SLCO6A1: variants seen among roughly 807,000 people sequenced by gnomAD.
The protein encoded by SLCO6A1 is solute carrier organic anion transporter family member 6A1.
SLCO6A1 carries 65 observed loss-of-function variants against 72.7 expected under a neutral mutation model. That is an observed-to-expected ratio of 0.89 (90% CI 0.73 to 1.10). SLCO6A1 has a LOEUF of 1.10. Among genes scored for constraint, SLCO6A1 ranks in the 50% least tolerant of loss-of-function variants. The probability of loss-of-function intolerance (pLI) is 0.00; values close to 1 mark genes in which losing one functional copy is unlikely to be tolerated. For synonymous variants in SLCO6A1, 314 were observed against 298.2 expected (o/e 1.05, Z -0.55); for missense variants, 874 against 872.6 (o/e 1.00, Z -0.02).
At chr5:102,485,971 TGAAG>T (rs1302887884) in intron 1 of SLCO6A1, among the ~76,000 whole-genome samples, 1 of 152,222 alleles carries the variant, frequency 6.6e-6, no homozygotes, top group Non-Finnish European at 1.5e-5. Context: ...CACTGTTAAA[TGAAG>T]GATGTTCTCA....
At chr5:102,487,830 C>G (rs911368507) in intron 1 of SLCO6A1, among the ~76,000 whole-genome samples, 9 of 152,170 alleles carry the variant, frequency 5.9e-5, no homozygotes, top group African/African-American at 2.2e-4. Flanking sequence ...GAAAGAAAGA[C>G]AGGTTATTGC....
At chr5:102,449,971 C>T (rs765003388) in intron 6 of SLCO6A1, among the ~76,000 whole-genome samples, 1 of 152,160 alleles carries the variant, frequency 6.6e-6, no homozygotes, top group Non-Finnish European at 1.5e-5. Flanking sequence ...GTGCGTTTTT[C>T]AGCTGTATCA....
intron 12 of SLCO6A1, among the ~76,000 whole-genome samples, chr5:102,374,764 T>C (rs1236232663): frequency 3.3e-5 from 5 of 152,170 alleles, no homozygotes; most frequent in African/African-American, 1.2e-4. Flanking sequence ...TAAATAATTA[T>C]AGTAAATTAT....
chr5:102,462,807 C>G (rs929714635), intron 4 of SLCO6A1, among the ~76,000 whole-genome samples: 2 of 152,136 alleles, frequency 1.3e-5, no homozygotes, highest in African/African-American at 4.8e-5. Context: ...AATTTAAGAC[C>G]TGACATCATA....
intron 7 of SLCO6A1, among the ~76,000 whole-genome samples, chr5:102,423,838 C>T (rs1466981707): frequency 2.0e-5 from 3 of 152,110 alleles, no homozygotes; most frequent in African/African-American, 7.2e-5. Flanking sequence ...CAGCACCACA[C>T]AGCATTTATT....
chr5:102,441,760 C>G (rs924890007), intron 6 of SLCO6A1, among the ~76,000 whole-genome samples: 3 of 151,724 alleles, frequency 2.0e-5, no homozygotes, highest in African/African-American at 7.2e-5. Flanking sequence ...GTTTTTTTAG[C>G]ATCTCTGTTA....
chr5:102,414,569 A>C (rs1561441445), intron 8 of SLCO6A1, among the ~76,000 whole-genome samples: 1 of 152,186 alleles, frequency 6.6e-6, no homozygotes, highest in Non-Finnish European at 1.5e-5. Flanking sequence ...CAAAATTAGT[A>C]ACATTTTTAT....
chr5:102,468,250 A>G (rs566845625), intron 4 of SLCO6A1, among the ~76,000 whole-genome samples: 1 of 152,260 alleles, frequency 6.6e-6, no homozygotes, highest in African/African-American at 2.4e-5. Context: ...TTTGTGGCCT[A>G]TCATACAGTC....
At chr5:102,469,074 A>G (rs1213828698) in intron 4 of SLCO6A1, among the ~76,000 whole-genome samples, 1 of 151,490 alleles carries the variant, frequency 6.6e-6, no homozygotes, top group Non-Finnish European at 1.5e-5. Flanking sequence ...CTTGTAGTAT[A>G]GTTTGAAGTC....
intron 6 of SLCO6A1, among the ~76,000 whole-genome samples, chr5:102,445,342 T>C (rs918806613): frequency 6.6e-6 from 1 of 152,194 alleles, no homozygotes. Context: ...ATTTTTCATA[T>C]GTTTTTTGGC....
intron 10 of SLCO6A1, among the ~76,000 whole-genome samples, chr5:102,395,338 A>G (rs1382387169): frequency 3.3e-5 from 5 of 152,102 alleles, no homozygotes; most frequent in Admixed American, 2.0e-4. Context: ...ATGGTTTCCA[A>G]CTTCATCCAT....
chr5:102,448,533 T>C (rs1750240760), intron 6 of SLCO6A1, among the ~76,000 whole-genome samples: 1 of 152,182 alleles, frequency 6.6e-6, no homozygotes, highest in Admixed American at 6.5e-5. Flanking sequence ...TAAGAACTTG[T>C]TTTATGAGTC....
At chr5:102,400,602 T>C (rs1008869553) in intron 9 of SLCO6A1, among the ~76,000 whole-genome samples, 2 of 151,976 alleles carry the variant, frequency 1.3e-5, no homozygotes, top group Non-Finnish European at 2.9e-5. Flanking sequence ...AGTTCGCAAT[T>C]TATTAATTTA....
chr5:102,372,029 T>C lies in SLCO6A1; in HGVS notation c.*110A>G, dbSNP rs776101564. On this transcript the variant is annotated 3_prime_UTR_variant, in exon 14 of 14. Coordinates refer to ENST00000506729, the MANE Select transcript of SLCO6A1 (RefSeq NM_173488.5). ...ACTTATGTAAACATAATGTGTGATT[T>C]TCCTCTTCTGAAAGTTGGGCACAGA... 3 of 152,040 alleles carry C rather than the reference T, an allele frequency of 2.0e-5. No individual in the cohort carries two copies. Among genetic ancestry groups the C allele is most frequent in the Non-Finnish European group, 4.4e-5 (3 of 67,926 alleles). The allele number at this position is 152,040 out of a possible 1,614,324, so 9.4% of individuals were successfully genotyped here. A position where few individuals can be genotyped will look rare whatever the true frequency, so the allele number is the denominator to read the frequency against.
At chr5:102,436,505 A>G (rs1749544157) in intron 7 of SLCO6A1, among the ~76,000 whole-genome samples, 1 of 152,226 alleles carries the variant, frequency 6.6e-6, no homozygotes, top group Admixed American at 6.5e-5. Flanking sequence ...TGGGTATCAG[A>G]GATGGTAGAT....
chr5:102,464,167 A>C (rs1751195946), intron 4 of SLCO6A1, among the ~76,000 whole-genome samples: 1 of 152,168 alleles, frequency 6.6e-6, no homozygotes, highest in Non-Finnish European at 1.5e-5. Flanking sequence ...ACAAAAAAAA[A>C]CACCTGTTCC....
At chr5:102,391,469 C>G (rs986472870) in intron 10 of SLCO6A1, among the ~76,000 whole-genome samples, 2 of 152,070 alleles carry the variant, frequency 1.3e-5, no homozygotes, top group Non-Finnish European at 2.9e-5. Flanking sequence ...GGTAAATGGA[C>G]TATATCAATG....
rs1230978461 is a variant in SLCO6A1, at chr5:102,477,733, G to C, written c.745C>G (p.Leu249Val). The change falls in exon 3 of 14, where the codon CTT becomes GTT. Residue 249 changes from leucine to valine, a missense_variant. Leu to Val is a conservative substitution (Grantham distance 32). Coordinates refer to ENST00000506729, the MANE Select transcript of SLCO6A1 (RefSeq NM_173488.5). The part of the protein sequence containing the change: ...QGIAGMPLYI[L>V]GITFIDENVA... ...TTCTCATCAATAAAGGTTATTCCAAGGATATAAAGAGGCATTCCTGCTATT... is the reference window on the plus strand; with the variant it reads ...TTCTCATCAATAAAGGTTATTCCAACGATATAAAGAGGCATTCCTGCTATT... 1.2e-6 allele frequency: 2 copies of C among 1,613,556 alleles called. No homozygotes were observed. The highest frequency in any genetic ancestry group is 8.5e-7 in the Non-Finnish European group (1 of 1,179,764).
chr5:102,409,315 G>A (rs2060833), intron 9 of SLCO6A1, among the ~76,000 whole-genome samples: 98,384 of 151,952 alleles, frequency 0.65, 32,050 homozygotes, highest in African/African-American at 0.67. Flanking sequence ...TCTAATTCTA[G>A]CTTATGTTGG....
Sources: gnomAD v4.1 joint callset for allele counts (sites outside exome capture counted in the v4.1 genomes callset) on GRCh38, gnomAD v4.1.1 for gene constraint, MANE v1.5 for transcripts, NCBI Gene and HGNC (gene_info 2026-07-23, HGNC 2026-07-21) for gene names.